The following WDTC1 variants were observed in gnomAD, a reference collection of about 807,000 sequenced individuals.
The protein encoded by WDTC1 is WD and tetratricopeptide repeats 1.
A neutral mutation model predicts 76.0 loss-of-function variants in WDTC1; 12 were observed. That is an observed-to-expected ratio of 0.16 (90% confidence interval 0.10 to 0.26). WDTC1 has a LOEUF of 0.26. WDTC1 is among the 10% of genes least tolerant of loss of function. The pLI is 1.00. For missense variants in WDTC1, 511 were observed against 908.8 expected, an observed-to-expected ratio of 0.56 and a Z score of 5.63; for synonymous variants, 326 against 350.8, an observed-to-expected ratio of 0.93 and a Z score of 0.79.
Position 27,254,544 on chromosome 1 carries a change from G to A in WDTC1, c.-99-6412G>A, listed in dbSNP as rs190138489. The stretch of plus-strand genomic sequence containing the variant: ...ACCTGAGAGGCAGTGGTTCCAGTGA[G>A]CTATCGCGCCACTGCACTCCAGCCT... On this transcript the variant is annotated intron_variant, in intron 1 of 15. Coordinates refer to ENST00000319394, the MANE Select transcript of WDTC1 (RefSeq NM_001276252.2). Among the ~76,000 whole-genome samples, 164 of 152,162 alleles carry A rather than the reference G, an allele frequency of 1.1e-3. 1 individual carries two copies. The highest frequency in any genetic ancestry group is 1.6e-4 in the Non-Finnish European group (11 of 68,000).
intron 1 of WDTC1, among the ~76,000 whole-genome samples, chr1:27,250,272 C>T (rs1018550401): frequency 4.6e-5 from 7 of 151,850 alleles, no homozygotes; most frequent in East Asian, 1.9e-4. Flanking sequence ...CTGCAACCTC[C>T]GCCTCCCAGG....
chr1:27,238,032 A>T (rs1430269701), intron 1 of WDTC1, among the ~76,000 whole-genome samples: 1 of 152,198 alleles, frequency 6.6e-6, no homozygotes, highest in East Asian at 1.9e-4. Flanking sequence ...TTTTTACTTT[A>T]TCCAGTGTAA....
intron 5 of WDTC1, 57 bp downstream of exon 5, chr1:27,283,506 T>G (rs2013250382): frequency 1.9e-6 from 3 of 1,549,216 alleles, no homozygotes; most frequent in East Asian, 4.5e-5. Flanking sequence ...CAAGAGTGAC[T>G]GGGCTGTGGC....
chr1:27,289,602 C>T (rs374377073), intron 6 of WDTC1, among the ~76,000 whole-genome samples: 1 of 152,240 alleles, frequency 6.6e-6, no homozygotes, highest in Non-Finnish European at 1.5e-5. Flanking sequence ...GCAGAGGCTG[C>T]AATCTCGGCA....
At chr1:27,288,807 C>A (rs1464402201) in intron 6 of WDTC1, among the ~76,000 whole-genome samples, 1 of 152,036 alleles carries the variant, frequency 6.6e-6, no homozygotes, top group Non-Finnish European at 1.5e-5. Flanking sequence ...ACCTTTCCCC[C>A]CTTTCTATTC....
At chr1:27,260,899 G>GT in intron 1 of WDTC1, 57 bp from the exon 2 acceptor site, 3 of 815,414 alleles carry the variant, frequency 3.7e-6, no homozygotes, top group Non-Finnish European at 5.8e-6. Flanking sequence ...GTGGAATTAG[G>GT]TCTTGGGAGT....
rs367656805 is a variant in WDTC1 at position 27,241,700 on chromosome 1, TAGTG to T, written c.-100+6752_-100+6755del. On this transcript the variant is annotated intron_variant, in intron 1 of 15. Coordinates refer to ENST00000319394, the MANE Select transcript of WDTC1 (RefSeq NM_001276252.2). ...GTTAAAGACTGCAGATGCTTTTAAA[TAGTG>T]AGAGAGTATAGCATTATCAAAATAT... Among the ~76,000 whole-genome samples, 497 of 152,274 alleles carry T rather than the reference TAGTG, an allele frequency of 3.3e-3. 1 individual carries two copies. Among genetic ancestry groups the T allele is most frequent in the Admixed American group, 6.7e-3 (103 of 15,286 alleles).
Position 27,274,571 on chromosome 1 carries a change from G to T in WDTC1, c.133-7668G>T, listed in dbSNP as rs1557493734. On this transcript the variant is annotated intron_variant, in intron 3 of 15. Transcript: ENST00000319394. The surrounding 1 kb of genome is among the most constrained non-coding windows in gnomAD (Gnocchi z 4.2). ...AACAATTTAAATTTAAATTAATGAG[G>T]ATTAATTTAAGCCGTTCTAGTATAT... 6.6e-6 allele frequency among the ~76,000 whole-genome samples: 1 copy of T among 152,124 alleles called. No homozygotes were observed. Among genetic ancestry groups the T allele is most frequent in the Admixed American group, 6.6e-5 (1 of 15,260 alleles).
intron 1 of WDTC1, among the ~76,000 whole-genome samples, chr1:27,246,482 TG>T (rs2011835911): frequency 6.6e-6 from 1 of 152,224 alleles, no homozygotes; most frequent in Non-Finnish European, 1.5e-5. Flanking sequence ...GATGGCCATT[TG>T]GGTTGTTTCT....
Position 27,261,117 on chromosome 1 carries a change from C to T in WDTC1, c.48+15C>T, listed in dbSNP as rs560711385. On this transcript the variant is annotated intron_variant, in intron 2 of 15. Coordinates refer to ENST00000319394, the MANE Select transcript of WDTC1 (RefSeq NM_001276252.2). ...GGCAGATCAAGGTAAGCAGCCCAGA[C>T]TTCTGCACCAGATCATGAGATCTTT... 6.8e-6 allele frequency: 11 copies of T among 1,613,894 alleles called. No individual in the cohort carries two copies. The African/African-American group carries it at 1.1e-4, about 16-fold the overall frequency.
chr1:27,283,227 T>A (rs754474842), intron 4 of WDTC1, 111 bp from the exon 5 acceptor site: 24 of 880,556 alleles, frequency 2.7e-5, no homozygotes, highest in African/African-American at 5.0e-5. Flanking sequence ...TCTGTGACAT[T>A]TACTGTTCTT....
chr1:27,294,206 C>G, intron 8 of WDTC1, 90 bp downstream of exon 8: 1 of 1,371,016 alleles, frequency 7.3e-7, no homozygotes, highest in East Asian at 2.3e-5. Context: ...GCATGGTGGT[C>G]AAGAGCAAGG....
intron 6 of WDTC1, among the ~76,000 whole-genome samples, chr1:27,290,469 T>C (rs1300871747): frequency 3.3e-5 from 5 of 152,224 alleles, no homozygotes; most frequent in Non-Finnish European, 7.3e-5. Context: ...CAACTCCATG[T>C]CTGTCTTGTT....
In WDTC1 at chr1:27,235,394, CTGTGTGTGTGTGTGTGTG is replaced by C. The variant is rs139665541; in HGVS notation, c.-100+469_-100+486del. Among the ~76,000 whole-genome samples, 721 of 141,218 alleles carry C rather than the reference CTGTGTGTGTGTGTGTGTG, an allele frequency of 5.1e-3. 4 individuals carry two copies. Among genetic ancestry groups the C allele is most frequent in the African/African-American group, 0.018 (674 of 37,584 alleles). The allele number at this position is 141,218 out of a possible 152,430, so 92.6% of individuals were successfully genotyped here. A position where few individuals can be genotyped will look rare whatever the true frequency, so the allele number is the denominator to read the frequency against. ...TCTTTCTGTTTTTCTCTCTCTCTTT[CTGTGTGTGTGTGTGTGTG>C]TGTGTGTGTGTGTGTGTGTGTGTGT... On this transcript the variant is annotated intron_variant, in intron 1 of 15. Coordinates refer to ENST00000319394, the MANE Select transcript of WDTC1 (RefSeq NM_001276252.2).
rs564900207 is a variant in WDTC1, at chr1:27,301,667, C to T, written c.1468+206C>T. 2.0e-5 allele frequency among the ~76,000 whole-genome samples: 3 copies of T among 152,100 alleles called. No homozygotes were observed. Among genetic ancestry groups the T allele is most frequent in the Non-Finnish European group, 4.4e-5 (3 of 68,014 alleles). On this transcript the variant is annotated intron_variant, in intron 13 of 15. Coordinates refer to ENST00000319394, the MANE Select transcript of WDTC1 (RefSeq NM_001276252.2). The surrounding 1 kb of genome is among the most constrained non-coding windows in gnomAD (Gnocchi z 5.8). ...AGGCATGCCAGCACCTCCCACTGAG[C>T]GTTTCTATTGAGGATCAGCATGTTT...
chr1:27,247,481 C>T (rs1190571733), intron 1 of WDTC1, among the ~76,000 whole-genome samples: 2 of 152,100 alleles, frequency 1.3e-5, no homozygotes, highest in African/African-American at 4.8e-5. Context: ...CTCTTCCCAC[C>T]CTCCACCCTC....
chr1:27,300,836 G>A (rs544852965), intron 12 of WDTC1, among the ~76,000 whole-genome samples: 6 of 152,328 alleles, frequency 3.9e-5, no homozygotes, highest in East Asian at 1.9e-4. Context: ...AAGGCCAGCC[G>A]GGGGTGATTT....
intron 1 of WDTC1, among the ~76,000 whole-genome samples, chr1:27,248,905 C>T (rs1271905408): frequency 6.6e-6 from 1 of 152,116 alleles, no homozygotes; most frequent in Non-Finnish European, 1.5e-5. Context: ...AATCTTCCCA[C>T]ATTGGTCTCC....
chr1:27,289,741 G>A (rs1379676121), intron 6 of WDTC1, among the ~76,000 whole-genome samples: 6 of 151,912 alleles, frequency 3.9e-5, no homozygotes, highest in Non-Finnish European at 5.9e-5. Flanking sequence ...CCGGCACCTC[G>A]GGAGGCCGAG....
Sources: allele counts gnomAD v4.1 joint callset (sites outside exome capture counted in the v4.1 genomes callset), GRCh38; gene constraint gnomAD v4.1.1; non-coding constraint Gnocchi (gnomAD v3.1); transcripts MANE v1.5; gene names NCBI Gene and HGNC (gene_info 2026-07-23, HGNC 2026-07-21).